The following ZDHHC4 variants were observed in gnomAD, a reference collection of about 807,000 sequenced individuals.
The protein encoded by ZDHHC4 is zDHHC palmitoyltransferase 4, also known as palmitoyltransferase ZDHHC4.
A neutral mutation model predicts 36.7 loss-of-function variants in ZDHHC4; 42 were observed. The observed-to-expected ratio is 1.14, with a 90% confidence interval of 0.89 to 1.48. The LOEUF (loss-of-function observed/expected upper bound fraction) is 1.48, where lower values mean the gene tolerates loss of function less well. Ranked by LOEUF, ZDHHC4 falls within the 40% of genes most tolerant of loss-of-function variation. The pLI, the probability that ZDHHC4 is intolerant of heterozygous loss-of-function variation, is 0.00. For missense variants in ZDHHC4, 457 were observed against 421.5 expected (o/e 1.08, Z -0.74); for synonymous variants, 189 against 166.6 (o/e 1.13, Z -1.03).
rs1317836085 is a variant in ZDHHC4 at position 6,578,611 on chromosome 7, A to G, written c.-117A>G. On this transcript the variant is annotated 5_prime_UTR_variant, in exon 2 of 8. It removes an upstream start codon present in the reference 5' UTR. Coordinates refer to ENST00000335965, the MANE Select transcript of ZDHHC4 (RefSeq NM_001134389.2). ...GAACCATGTCCGGCAGCTACTGGTC[A>G]TGCCAGGCACACACTGCTGCCCAAG... 1.3e-5 allele frequency: 2 copies of G among 152,238 alleles called. No individual in the cohort carries two copies. Among genetic ancestry groups the G allele is most frequent in the Non-Finnish European group, 2.9e-5 (2 of 68,054 alleles). The allele number at this position is 152,238 out of a possible 1,614,324, so 9.4% of individuals were successfully genotyped here.
intron 7 of ZDHHC4, among the ~76,000 whole-genome samples, chr7:6,586,058 C>T (rs1352500479): frequency 2.0e-5 from 3 of 151,814 alleles, no homozygotes; most frequent in Admixed American, 2.0e-4. Context: ...GAGGCCGAGG[C>T]AGGAGAATCA....
intron 3 of ZDHHC4, 166 bp downstream of exon 3, chr7:6,580,844 A>G (rs1780792179): frequency 1.5e-6 from 1 of 649,744 alleles, no homozygotes; most frequent in African/African-American, 1.8e-5. Context: ...TTGAGCCAGG[A>G]GTCTGAAGTT....
intron 4 of ZDHHC4, 144 bp from the exon 5 acceptor site, chr7:6,581,929 A>G: frequency 1.1e-6 from 1 of 915,900 alleles, no homozygotes. Context: ...AATACATGCA[A>G]AATGTTTCAC....
rs1044009379 is a variant in ZDHHC4, at chr7:6,585,019, T to C, written c.500T>C (p.Val167Ala). ...GTGCCCCCTTGTTTCTGTGCAGGTG[T>C]GTGTAACTGGTGTGTGCACCGTTTC... The part of the protein sequence containing the change: ...RKPARSKHCS[V>A]CNWCVHRFDH... The change falls in exon 7 of 8, where the codon GTG becomes GCG. Residue 167 changes from valine to alanine, a missense_variant. By Grantham distance (64) the Val-to-Ala change is moderately conservative (BLOSUM62 0). Transcript: ENST00000335965. The C allele has an allele frequency of 6.2e-7, 1 of 1,614,044 alleles. No individual in the cohort carries two copies. The highest frequency in any genetic ancestry group is 1.3e-5 in the African/African-American group (1 of 74,940).
At chr7:6,580,795 G>A (rs868399408) in intron 3 of ZDHHC4, 117 bp downstream of exon 3, 2 of 914,132 alleles carry the variant, frequency 2.2e-6, no homozygotes, top group East Asian at 2.4e-5. Flanking sequence ...CCTCACACCT[G>A]TAATCCCGCT....
chr7:6,588,055 G>A (rs1781362897), intron 7 of ZDHHC4, among the ~76,000 whole-genome samples: 1 of 152,112 alleles, frequency 6.6e-6, no homozygotes, highest in South Asian at 2.1e-4. Context: ...TAGTAGAGAA[G>A]GGTTTCACCA....
At position 6,584,996 on chromosome 7, in the gene ZDHHC4, GC is replaced by G. The variant is rs1352855646; in HGVS notation, c.497-15del. On this transcript the variant is annotated intron_variant, in intron 6 of 7. Transcript: ENST00000335965. ...CTCGTCAAGCACCATCCCAGCACGT[GC>G]CCCCTTGTTTCTGTGCAGGTGTGTG... 6.2e-7 allele frequency: 1 copy of G among 1,612,550 alleles called. No individual in the cohort carries two copies. The highest frequency in any genetic ancestry group is 1.7e-5 in the Admixed American group (1 of 59,960).
intron 2 of ZDHHC4, among the ~76,000 whole-genome samples, chr7:6,579,147 C>CT (rs113497872): frequency 0.4 from 59,496 of 147,950 alleles, 12,995 homozygotes; most frequent in African/African-American, 0.57. Context: ...TTTTTTTCTT[C>CT]TTTTTTTTTC....
In ZDHHC4 at chr7:6,588,898, G is replaced by A; in HGVS notation, c.1023G>A (p.Lys341=). 1 of 1,605,950 alleles carries A rather than the reference G, an allele frequency of 6.2e-7. No individual in the cohort carries two copies. The highest frequency in any genetic ancestry group is 8.5e-7 in the Non-Finnish European group (1 of 1,173,058). ...FLPAFPCHER[K]KQE ...CTGCCTTTCCATGTCATGAGAGGAA[G>A]AAACAAGAATGACAAGTGTATGACT... The change falls in exon 8 of 8, where the codon AAG becomes AAA. Residue 341 remains lysine, a synonymous_variant. Transcript: ENST00000335965.
chr7:6,580,577 C>G lies in ZDHHC4; in HGVS notation c.16C>G (p.Leu6Val). The G allele has an allele frequency of 6.2e-7, 1 of 1,614,160 alleles. No homozygotes were observed. The highest frequency in any genetic ancestry group is 8.5e-7 in the Non-Finnish European group (1 of 1,180,022). The change falls in exon 3 of 8, where the codon CTC (leucine) becomes GTC (valine). Residue 6 changes from leucine (L) to valine (V), a missense_variant. Physicochemically the swap from Leu to Val is conservative, Grantham distance 32. Coordinates refer to ENST00000335965, the MANE Select transcript of ZDHHC4 (RefSeq NM_001134389.2). MDFLV[L>V]FLFYLASVLM... ...TAGCTGCAGGATGGACTTTCTGGTC[C>G]TCTTCTTGTTCTACCTGGCTTCGGT...
At chr7:6,579,153 T>A (rs1780658533) in intron 2 of ZDHHC4, among the ~76,000 whole-genome samples, 1 of 151,260 alleles carries the variant, frequency 6.6e-6, no homozygotes, top group Admixed American at 6.6e-5. Context: ...TCTTCTTTTT[T>A]TTTCTTAAAC....
intron 7 of ZDHHC4, among the ~76,000 whole-genome samples, chr7:6,586,054 G>A (rs988226131): frequency 2.0e-5 from 3 of 152,048 alleles, no homozygotes; most frequent in Admixed American, 1.3e-4. Context: ...TCGGGAGGCC[G>A]AGGCAGGAGA....
At position 6,588,728 on chromosome 7, in the gene ZDHHC4, C is replaced by T; in HGVS notation, c.853C>T (p.Gln285Ter). Residue 285 changes from glutamine to a stop codon, truncating the protein, a stop_gained, in exon 8 of 8, where the codon CAG becomes TAG. Transcript: ENST00000335965. LOFTEE classifies it high-confidence loss of function. ...TGTCCTGTATCTGGCGGCCACCAAC[C>T]AGACTACTAACGAGTGGTACAGAGG... ...LFVLYLAATN[Q>*]TTNEWYRGDW... is the part of the protein sequence containing the mutation. 1 of 1,614,238 alleles carries T rather than the reference C, an allele frequency of 6.2e-7. No individual in the cohort carries two copies. Among genetic ancestry groups the T allele is most frequent in the Non-Finnish European group, 8.5e-7 (1 of 1,180,044 alleles).
chr7:6,587,920 C>T, intron 7 of ZDHHC4, among the ~76,000 whole-genome samples: 1 of 152,196 alleles, frequency 6.6e-6, no homozygotes, highest in Non-Finnish European at 1.5e-5. Context: ...GGCTGGAGTG[C>T]AGTTGCACAA....
chr7:6,583,153 C>G (rs1020849290), intron 5 of ZDHHC4, among the ~76,000 whole-genome samples, 153 bp from the exon 6 acceptor site: 3 of 151,504 alleles, frequency 2.0e-5, no homozygotes, highest in Non-Finnish European at 4.4e-5. Flanking sequence ...GCATTCCAGC[C>G]TGGATGACAA....
chr7:6,580,620 T>G lies in ZDHHC4; in HGVS notation c.59T>G (p.Leu20Arg). The change falls in exon 3 of 8, where the codon CTT becomes CGT. Residue 20 changes from leucine to arginine, a missense_variant. Transcript: ENST00000335965. ...GCTTCGGTGCTGATGGGTCTTGTTC[T>G]TATCTGCGTCTGCTCGAAAACCCAT... ...YLASVLMGLV[L>R]ICVCSKTHSL... is the part of the protein sequence containing the mutation. 1 of 1,614,178 alleles carries G rather than the reference T, an allele frequency of 6.2e-7. No homozygotes were observed. Among genetic ancestry groups the G allele is most frequent in the Non-Finnish European group, 8.5e-7 (1 of 1,180,018 alleles).
Position 6,580,571 on chromosome 7 carries a change from C to T in ZDHHC4, c.10C>T (p.Leu4=), listed in dbSNP as rs1204296722. 6.2e-7 allele frequency: 1 copy of T among 1,614,014 alleles called. No individual in the cohort carries two copies. The highest frequency in any genetic ancestry group is 8.5e-7 in the Non-Finnish European group (1 of 1,180,024). Reference sequence around the variant, plus strand: ...CCTTTGTAGCTGCAGGATGGACTTTCTGGTCCTCTTCTTGTTCTACCTGGC... The same window carrying T: ...CCTTTGTAGCTGCAGGATGGACTTTTTGGTCCTCTTCTTGTTCTACCTGGC... MDF[L]VLFLFYLASV... The change falls in exon 3 of 8, where the codon CTG becomes TTG. Residue 4 remains leucine, a synonymous_variant. Coordinates refer to ENST00000335965, the MANE Select transcript of ZDHHC4 (RefSeq NM_001134389.2).
Position 6,585,220 on chromosome 7 carries a change from T to C in ZDHHC4, c.701T>C (p.Leu234Pro). The C allele has an allele frequency of 6.2e-7, 1 of 1,614,206 alleles. No individual in the cohort carries two copies. Among genetic ancestry groups the C allele is most frequent in the Non-Finnish European group, 8.5e-7 (1 of 1,180,032 alleles). Reference protein sequence around the residue: ...DLYQETYIDDLGHLHVMDTVF... With the variant: ...DLYQETYIDDPGHLHVMDTVF... The stretch of plus-strand genomic sequence containing the variant: ...TACCAGGAGACTTACATCGATGACC[T>C]TGGACACCTCCATGTTATGGACACG... The change falls in exon 7 of 8, where the codon CTT becomes CCT. Residue 234 changes from leucine (L) to proline (P), a missense_variant. Coordinates refer to ENST00000335965, the MANE Select transcript of ZDHHC4 (RefSeq NM_001134389.2).
chr7:6,588,540 C>A, intron 7 of ZDHHC4, 77 bp from the exon 8 acceptor site: 1 of 1,508,572 alleles, frequency 6.6e-7, no homozygotes, highest in Non-Finnish European at 9.1e-7. Context: ...CTGTGGCAGG[C>A]CCAGGGTTGG....
Sources: gnomAD v4.1 joint callset for allele counts (sites outside exome capture counted in the v4.1 genomes callset) on GRCh38, gnomAD v4.1.1 for gene constraint, MANE v1.5 for transcripts, NCBI Gene and HGNC (gene_info 2026-07-23, HGNC 2026-07-21) for gene names.